The following DCDC1 variants were observed in gnomAD, a reference collection of about 807,000 sequenced individuals.
DCDC1 encodes the protein doublecortin domain containing 1.
In DCDC1, 200 loss-of-function variants were observed where a neutral mutation model predicts 178.3. That is an observed-to-expected ratio of 1.12 (90% CI 1.00 to 1.26). The LOEUF (loss-of-function observed/expected upper bound fraction) is 1.26. Among genes scored for constraint, DCDC1 ranks in the 50% most tolerant of loss-of-function variants. The pLI is 0.00. For missense variants in DCDC1, 1,983 were observed against 1,749.2 expected, an observed-to-expected ratio of 1.13 and a Z score of -2.38; for synonymous variants, 690 against 604.8, an observed-to-expected ratio of 1.14 and a Z score of -2.07.
At chr11:31,351,945 G>A (rs1048332625) in intron 1 of DCDC1, among the ~76,000 whole-genome samples, 8 of 152,014 alleles carry the variant, frequency 5.3e-5, no homozygotes, top group Non-Finnish European at 8.8e-5. Context: ...GGCTGCAGAG[G>A]GAAGCAATTC....
At chr11:31,002,637 T>C (rs1366604709) in intron 20 of DCDC1, among the ~76,000 whole-genome samples, 1 of 152,164 alleles carries the variant, frequency 6.6e-6, no homozygotes, top group Non-Finnish European at 1.5e-5. Context: ...AAGTAATCCT[T>C]CAGTTATTCC....
At chr11:31,138,081 T>G (rs1337619332) in intron 9 of DCDC1, among the ~76,000 whole-genome samples, 2 of 141,638 alleles carry the variant, frequency 1.4e-5, no homozygotes, top group African/African-American at 5.1e-5. Context: ...TTCATTAAAA[T>G]GGACACAGCA....
chr11:30,878,273 C>CAA (rs983097234), intron 38 of DCDC1, among the ~76,000 whole-genome samples: 3 of 151,912 alleles, frequency 2.0e-5, no homozygotes, highest in African/African-American at 7.3e-5. Context: ...GGCAACAAGG[C>CAA]AAAACCCCAT....
At chr11:31,289,039 A>G (rs1449322200) in intron 7 of DCDC1, among the ~76,000 whole-genome samples, 1 of 152,016 alleles carries the variant, frequency 6.6e-6, no homozygotes, top group African/African-American at 2.4e-5. Context: ...AATATTTTCT[A>G]CAAATCATAA....
intron 17 of DCDC1, among the ~76,000 whole-genome samples, chr11:31,090,819 C>G (rs1957779421): frequency 6.6e-6 from 1 of 151,824 alleles, no homozygotes; most frequent in Non-Finnish European, 1.5e-5. Context: ...TAAGTGAAAA[C>G]AAACATCAAA....
chr11:31,099,960 G>A (rs553338728), intron 15 of DCDC1, among the ~76,000 whole-genome samples: 16 of 152,110 alleles, frequency 1.1e-4, no homozygotes, highest in South Asian at 4.2e-4. Flanking sequence ...CTCCTGATCC[G>A]CCTGCCTTGG....
At chr11:30,895,331 A>C (rs1944113001) in intron 34 of DCDC1, among the ~76,000 whole-genome samples, 1 of 152,226 alleles carries the variant, frequency 6.6e-6, no homozygotes. Flanking sequence ...ATTGGGCTGC[A>C]CCGGGAAAGC....
chr11:31,233,414 C>T (rs938612903), intron 9 of DCDC1, among the ~76,000 whole-genome samples: 3 of 152,204 alleles, frequency 2.0e-5, no homozygotes, highest in African/African-American at 7.2e-5. Context: ...ATTTTCAACA[C>T]TGGTTAACAC....
chr11:31,115,980 G>T (rs1045481775), intron 11 of DCDC1, among the ~76,000 whole-genome samples: 5 of 84,678 alleles, frequency 5.9e-5, no homozygotes, highest in African/African-American at 1.8e-4. Context: ...AGCTGTGGCA[G>T]TGGGGGGGGG....
intron 20 of DCDC1, among the ~76,000 whole-genome samples, chr11:30,983,244 C>A (rs1428094174): frequency 6.6e-6 from 1 of 152,138 alleles, no homozygotes; most frequent in Non-Finnish European, 1.5e-5. Context: ...AACATTTCCC[C>A]AATGAACACA....
Position 30,906,538 on chromosome 11 carries a change from A to T in DCDC1, c.4104+2T>A. On this transcript the variant is annotated splice_donor_variant, in intron 30 of 38. Transcript: ENST00000684477. LOFTEE classifies it high-confidence loss of function. The stretch of plus-strand genomic sequence containing the variant: ...ATTAGCAGAGCTCAGATCATTACAT[A>T]CCTCAGCCACACTGATGACCTTGAA... 3 of 1,611,706 alleles carry T rather than the reference A, an allele frequency of 1.9e-6. No individual in the cohort carries two copies. The highest frequency in any genetic ancestry group is 2.5e-6 in the Non-Finnish European group (3 of 1,178,902).
intron 2 of DCDC1, among the ~76,000 whole-genome samples, chr11:31,330,391 CTTTAG>C (rs1192006957): frequency 3.9e-5 from 6 of 152,164 alleles, no homozygotes; most frequent in Non-Finnish European, 7.4e-5. Context: ...TGCAGAAGCT[CTTTAG>C]TTTAATTAGA....
intron 37 of DCDC1, 120 bp from the exon 38 acceptor site, chr11:30,878,831 C>A: frequency 1.1e-6 from 1 of 873,004 alleles, no homozygotes; most frequent in African/African-American, 1.7e-5. Flanking sequence ...CCACCCTGGG[C>A]TCTCTCATTA....
At chr11:31,186,001 A>C (rs1969435685) in intron 9 of DCDC1, among the ~76,000 whole-genome samples, 1 of 152,122 alleles carries the variant, frequency 6.6e-6, no homozygotes, top group Admixed American at 6.5e-5. Flanking sequence ...AATGCTCTCA[A>C]ATACCTCCTC....
chr11:31,009,511 G>A (rs1482571670), intron 20 of DCDC1, among the ~76,000 whole-genome samples: 6 of 151,748 alleles, frequency 4.0e-5, no homozygotes, highest in Non-Finnish European at 8.8e-5. Context: ...TGGAGGCTGA[G>A]AAATCCCATG....
chr11:31,023,843 C>A (rs1033184675), intron 20 of DCDC1, among the ~76,000 whole-genome samples: 7 of 151,908 alleles, frequency 4.6e-5, no homozygotes, highest in Non-Finnish European at 8.8e-5. Flanking sequence ...TTAAGGCAAT[C>A]TAGCTTTTAA....
chr11:30,965,220 A>G (rs1320550252), intron 20 of DCDC1, among the ~76,000 whole-genome samples: 3 of 152,246 alleles, frequency 2.0e-5, no homozygotes, highest in Non-Finnish European at 4.4e-5. Flanking sequence ...ATAGGCAGTG[A>G]ATCATCCAAA....
intron 1 of DCDC1, among the ~76,000 whole-genome samples, chr11:31,336,811 A>G (rs929157655): frequency 6.6e-6 from 1 of 152,176 alleles, no homozygotes; most frequent in African/African-American, 2.4e-5. Flanking sequence ...GGCCAATGGC[A>G]TGTTAGTGGA....
chr11:31,137,982 T>C (rs1363360759), intron 9 of DCDC1, among the ~76,000 whole-genome samples, 198 bp from the exon 10 acceptor site: 3 of 152,204 alleles, frequency 2.0e-5, no homozygotes, highest in Non-Finnish European at 4.4e-5. Context: ...TTCAATCTTT[T>C]ATTGTTTTGA....
Sources: allele counts gnomAD v4.1 joint callset (sites outside exome capture counted in the v4.1 genomes callset), GRCh38; gene constraint gnomAD v4.1.1; transcripts MANE v1.5; gene names NCBI Gene and HGNC (gene_info 2026-07-23, HGNC 2026-07-21).